DAB1: variants seen among roughly 807,000 people sequenced by gnomAD.
DAB1 encodes DAB adaptor protein 1, also known as disabled homolog 1.
A neutral mutation model predicts 64.6 loss-of-function variants in DAB1; 15 were observed. The observed-to-expected ratio is 0.23, with a 90% CI of 0.16 to 0.36. DAB1 has a LOEUF of 0.36. Ranked by LOEUF, DAB1 falls within the 10% of genes least tolerant of loss-of-function variation. The pLI, the probability that DAB1 is intolerant of heterozygous loss-of-function variation, is 1.00. For missense variants in DAB1, 596 were observed against 706.7 expected (o/e 0.84, Z 1.78); for synonymous variants, 235 against 251.9 (o/e 0.93, Z 0.64).
chr1:57,061,033 C>T (rs912354735), intron 9 of DAB1, among the ~76,000 whole-genome samples: 1 of 151,990 alleles, frequency 6.6e-6, no homozygotes, highest in Admixed American at 6.6e-5. Flanking sequence ...AGTTGAAACA[C>T]GAAGAGCAGA....
At chr1:58,428,795 T>C (rs1259421743) in intron 3 of DAB1, among the ~76,000 whole-genome samples, 4 of 152,350 alleles carry the variant, frequency 2.6e-5, no homozygotes, top group East Asian at 1.9e-4. Flanking sequence ...CTTCTGTACA[T>C]GTTTGAAATT....
At chr1:57,460,722 T>C (rs1686753826) in intron 7 of DAB1, among the ~76,000 whole-genome samples, 1 of 152,044 alleles carries the variant, frequency 6.6e-6, no homozygotes, top group Admixed American at 6.5e-5. Context: ...CAGAGGCCCC[T>C]TCATTCTCTC....
At chr1:58,465,966 G>A (rs1025381122) in intron 3 of DAB1, among the ~76,000 whole-genome samples, 2 of 152,182 alleles carry the variant, frequency 1.3e-5, no homozygotes, top group African/African-American at 4.8e-5. Flanking sequence ...AGGGGCTGAA[G>A]CAGAAGCCAG....
chr1:57,411,797 G>A (rs1413747517), intron 1 of DAB1, among the ~76,000 whole-genome samples: 1 of 152,200 alleles, frequency 6.6e-6, no homozygotes, highest in Admixed American at 6.5e-5. Context: ...GTCGAGGGTG[G>A]TGCTAAGTCA....
intron 5 of DAB1, among the ~76,000 whole-genome samples, chr1:58,029,465 G>A (rs1423812413): frequency 6.6e-6 from 1 of 152,180 alleles, no homozygotes. Context: ...ACGAACAGGG[G>A]TGTTGTCTCA....
At chr1:58,472,401 A>C (rs186875945) in intron 3 of DAB1, among the ~76,000 whole-genome samples, 2 of 152,320 alleles carry the variant, frequency 1.3e-5, no homozygotes, top group East Asian at 3.9e-4. Flanking sequence ...ATAACTTTAT[A>C]GTTTTTATTT....
chr1:58,379,047 G>C (rs1208065507), intron 3 of DAB1, among the ~76,000 whole-genome samples: 3 of 151,512 alleles, frequency 2.0e-5, no homozygotes, highest in Admixed American at 6.6e-5. Flanking sequence ...CTCGCGCATG[G>C]TGCGCGCACC....
chr1:57,988,685 GGTAGAAAATTT>G (rs1646280203), intron 5 of DAB1, among the ~76,000 whole-genome samples: 3 of 152,166 alleles, frequency 2.0e-5, no homozygotes, highest in Admixed American at 6.5e-5. Context: ...AAGGTTCCCT[GGTAGAAAATTT>G]GAGGGGTGTG....
intron 2 of DAB1, among the ~76,000 whole-genome samples, chr1:57,233,921 A>C (rs1461170561): frequency 6.6e-6 from 1 of 152,138 alleles, no homozygotes; most frequent in South Asian, 2.1e-4. Flanking sequence ...TCATGAATGT[A>C]GGGCTTACAT....
chr1:58,132,627 G>C (rs1343979340), intron 5 of DAB1, among the ~76,000 whole-genome samples: 1 of 152,170 alleles, frequency 6.6e-6, no homozygotes, highest in Non-Finnish European at 1.5e-5. Context: ...GGAGCTGAAG[G>C]AGCATCTCAC....
At chr1:58,440,528 C>T (rs1644996562) in intron 3 of DAB1, among the ~76,000 whole-genome samples, 2 of 152,192 alleles carry the variant, frequency 1.3e-5, no homozygotes, top group East Asian at 3.8e-4. Context: ...TGACATTTTC[C>T]TTACAACTAC....
At chr1:57,159,666 C>T (rs541061183) in intron 2 of DAB1, among the ~76,000 whole-genome samples, 1 of 152,198 alleles carries the variant, frequency 6.6e-6, no homozygotes, top group Non-Finnish European at 1.5e-5. Context: ...CCCCAACACA[C>T]ATATGCATAG....
intron 4 of DAB1, among the ~76,000 whole-genome samples, chr1:58,222,820 C>A (rs1304856084): frequency 1.3e-5 from 2 of 152,192 alleles, no homozygotes; most frequent in Admixed American, 6.5e-5. Flanking sequence ...AGACTTCAGG[C>A]TAAGCATATT....
At chr1:58,291,981 C>T (rs994469886) in intron 4 of DAB1, among the ~76,000 whole-genome samples, 1 of 152,164 alleles carries the variant, frequency 6.6e-6, no homozygotes, top group Admixed American at 6.5e-5. Context: ...ATTGCCCTCT[C>T]CAATACAGGT....
At chr1:57,373,757 G>A (rs998499755) in intron 1 of DAB1, among the ~76,000 whole-genome samples, 9 of 152,168 alleles carry the variant, frequency 5.9e-5, no homozygotes, top group African/African-American at 2.2e-4. Flanking sequence ...GGTGGCTCTC[G>A]CGCCACGGGT....
intron 5 of DAB1, among the ~76,000 whole-genome samples, chr1:57,977,393 T>G (rs1187984): frequency 0.97 from 148,389 of 152,264 alleles, 72,407 homozygotes; most frequent in East Asian, 1. Flanking sequence ...AGGAAGAAAA[T>G]AATAGACTGA....
At chr1:57,245,716 A>C (rs1401966337) in intron 2 of DAB1, among the ~76,000 whole-genome samples, 1 of 152,246 alleles carries the variant, frequency 6.6e-6, no homozygotes, top group African/African-American at 2.4e-5. Context: ...AGTCTTTACT[A>C]TTGCGAATAG....
chr1:57,540,220 A>G (rs568136085), intron 7 of DAB1, among the ~76,000 whole-genome samples: 60 of 152,342 alleles, frequency 3.9e-4, no homozygotes, highest in African/African-American at 1.4e-3. Flanking sequence ...ATCATTAGGG[A>G]AATGCAAATC....
chr1:58,096,649 T>A (rs1422685323), intron 5 of DAB1, among the ~76,000 whole-genome samples: 1 of 152,242 alleles, frequency 6.6e-6, no homozygotes, highest in Non-Finnish European at 1.5e-5. Context: ...AAAAGTCTTC[T>A]TTCTAGTTGC....
Sources: allele counts gnomAD v4.1 joint callset (sites outside exome capture counted in the v4.1 genomes callset), GRCh38; gene constraint gnomAD v4.1.1; transcripts MANE v1.5; gene names NCBI Gene and HGNC (gene_info 2026-07-23, HGNC 2026-07-21).